The following SLC45A2 variants were observed in gnomAD, a reference collection of about 807,000 sequenced individuals.
SLC45A2 encodes the protein solute carrier family 45 member 2, also known as membrane-associated transporter protein.
SLC45A2 carries 36 observed loss-of-function variants against 45.5 expected under a neutral mutation model. The observed-to-expected ratio is 0.79, with a 90% confidence interval of 0.61 to 1.04. The LOEUF (loss-of-function observed/expected upper bound fraction) is 1.04. Ranked by LOEUF, SLC45A2 falls within the 50% of genes least tolerant of loss-of-function variation. The pLI is 0.00. For missense variants in SLC45A2, 719 were observed against 671.0 expected (o/e 1.07, Z -0.79); for synonymous variants, 306 against 269.3 (o/e 1.14, Z -1.33).
At position 33,969,065 on chromosome 5, in the gene SLC45A2, C is replaced by CTCTCTCTCTCTCTCTGTG; in HGVS notation, c.563-5050_563-5049insCACAGAGAGAGAGAGAGA. On this transcript the variant is annotated intron_variant, in intron 2 of 6. Coordinates refer to ENST00000296589, the MANE Select transcript of SLC45A2 (RefSeq NM_016180.5). Reference sequence around the variant, plus strand: ...AGCTACTCTCTCTCTCTCTCTCTCTCTGTGTGTGTGTGTGTGTGTGTGTGT... The same window carrying CTCTCTCTCTCTCTCTGTG: ...AGCTACTCTCTCTCTCTCTCTCTCTCTCTCTCTCTCTCTCTGTGTGTGTGTGTGTGTGTGTGTGTGTGT... 4.6e-3 allele frequency among the ~76,000 whole-genome samples: 472 copies of CTCTCTCTCTCTCTCTGTG among 102,440 alleles called. 8 individuals carry two copies. The highest frequency in any genetic ancestry group is 0.01 in the African/African-American group (283 of 27,010). 67.2% of individuals were successfully genotyped at this position (102,440 alleles called of 152,430 possible). A position where few individuals can be genotyped will look rare whatever the true frequency, so the allele number is the denominator to read the frequency against.
At chr5:33,969,391 T>A (rs541919915) in intron 2 of SLC45A2, among the ~76,000 whole-genome samples, 1 of 152,280 alleles carries the variant, frequency 6.6e-6, no homozygotes, top group African/African-American at 2.4e-5. Context: ...GCAACTTTTC[T>A]CTTCAAAGAT....
At chr5:33,950,367 C>A (rs1029447495) in intron 5 of SLC45A2, among the ~76,000 whole-genome samples, 3 of 152,136 alleles carry the variant, frequency 2.0e-5, no homozygotes, top group Non-Finnish European at 2.9e-5. Flanking sequence ...TTTGCACACT[C>A]GAAGAGGAAG....
rs181922817 is a variant in SLC45A2, at chr5:33,950,013, C to A, written c.1156+1541G>T. Reference sequence around the variant, plus strand: ...GACCAGCCTGGGCAATGTAGGGAGACCCCATCTCTAAAAAAAAAATTTTTT... The same window carrying A: ...GACCAGCCTGGGCAATGTAGGGAGAACCCATCTCTAAAAAAAAAATTTTTT... On this transcript the variant is annotated intron_variant, in intron 5 of 6. Transcript: ENST00000296589. Among the ~76,000 whole-genome samples, 377 of 151,758 alleles carry A rather than the reference C, an allele frequency of 2.5e-3. 2 individuals carry two copies. The highest frequency in any genetic ancestry group is 8.8e-3 in the African/African-American group (365 of 41,370).
At position 33,944,641 on chromosome 5, in the gene SLC45A2, T is replaced by C. The variant is rs1751868004; in HGVS notation, c.*7A>G. 5 of 1,613,486 alleles carry C rather than the reference T, an allele frequency of 3.1e-6. No homozygotes were observed. The highest frequency in any genetic ancestry group is 4.2e-6 in the Non-Finnish European group (5 of 1,179,584). On this transcript the variant is annotated 3_prime_UTR_variant, in exon 7 of 7. Coordinates refer to ENST00000296589, the MANE Select transcript of SLC45A2 (RefSeq NM_016180.5). ...TCTGAGGTTAGGGTCATTGTCTCTT[T>C]ATTGACCTAATCCACATATCTAACA...
At chr5:33,946,773 G>A in intron 6 of SLC45A2, 1 of 1,136,832 alleles carries the variant, frequency 8.8e-7, no homozygotes, top group Non-Finnish European at 1.1e-6. Context: ...CTTATTGTCG[G>A]TATCTAGAAA....
intron 6 of SLC45A2, chr5:33,946,418 AG>A (rs1489612637): frequency 1.0e-6 from 1 of 985,430 alleles, no homozygotes; most frequent in East Asian, 1.1e-4. Flanking sequence ...TTATCTCTGT[AG>A]CTTTTATATC....
chr5:33,946,443 A>G, intron 6 of SLC45A2: 1 of 985,716 alleles, frequency 1.0e-6, no homozygotes, highest in Non-Finnish European at 1.2e-6. Flanking sequence ...GCTCCAGTTA[A>G]GGAACTATAA....
intron 4 of SLC45A2, among the ~76,000 whole-genome samples, chr5:33,952,690 T>TA (rs1491433702): frequency 7.4e-5 from 2 of 26,952 alleles, no homozygotes; most frequent in African/African-American, 1.7e-4. Context: ...TTTTTTTTTT[T>TA]AATTTTTTTT....
chr5:33,963,374 G>A (rs1752504219), intron 3 of SLC45A2, among the ~76,000 whole-genome samples: 1 of 152,198 alleles, frequency 6.6e-6, no homozygotes, highest in Non-Finnish European at 1.5e-5. Flanking sequence ...CCTAATCTAA[G>A]GGGATATTTC....
Position 33,944,652 on chromosome 5 carries a change from T to C in SLC45A2, c.1589A>G (p.Asp530Gly). ...CFVALFVRYVD is the reference protein window; with the variant it reads ...CFVALFVRYVG ...GGTCATTGTCTCTTTATTGACCTAA[T>C]CCACATATCTAACAAAGAGAGCGAC... Residue 530 changes from aspartate (D) to glycine (G), a missense_variant, in exon 7 of 7, where the codon GAT (aspartate) becomes GGT (glycine). Asp to Gly is a moderately conservative substitution (Grantham distance 94, BLOSUM62 -1). Transcript: ENST00000296589. 6.2e-7 allele frequency: 1 copy of C among 1,614,066 alleles called. No homozygotes were observed. Among genetic ancestry groups the C allele is most frequent in the East Asian group, 2.2e-5 (1 of 44,876 alleles).
chr5:33,982,191 A>G (rs758073962), intron 2 of SLC45A2, 45 bp downstream of exon 2: 2 of 1,609,564 alleles, frequency 1.2e-6, no homozygotes, highest in African/African-American at 1.3e-5. Context: ...GAAGTGCCTC[A>G]TTGTCTGGGG....
intron 2 of SLC45A2, among the ~76,000 whole-genome samples, chr5:33,977,559 T>G (rs1752965538): frequency 6.6e-6 from 1 of 152,118 alleles, no homozygotes; most frequent in South Asian, 2.1e-4. Context: ...GCAGCTTTGA[T>G]CTCCACAGGC....
At chr5:33,965,688 G>T (rs549089551) in intron 2 of SLC45A2, among the ~76,000 whole-genome samples, 11 of 152,218 alleles carry the variant, frequency 7.2e-5, no homozygotes, top group Non-Finnish European at 1.6e-4. Flanking sequence ...TGATTCAGAA[G>T]AATGTTCTGG....
chr5:33,945,977 C>G (rs1440502157), intron 6 of SLC45A2: 1 of 985,452 alleles, frequency 1.0e-6, no homozygotes, highest in African/African-American at 1.7e-5. Context: ...AGGGAGCACA[C>G]AGTGTGCACT....
intron 5 of SLC45A2, among the ~76,000 whole-genome samples, chr5:33,949,521 T>C (rs1027997775): frequency 6.6e-6 from 1 of 152,080 alleles, no homozygotes; most frequent in Non-Finnish European, 1.5e-5. Flanking sequence ...TTAATTGATA[T>C]GGGAGTGAAA....
At position 33,969,300 on chromosome 5, in the gene SLC45A2, A is replaced by T. The variant is rs368472243; in HGVS notation, c.563-5284T>A. On this transcript the variant is annotated intron_variant, in intron 2 of 6. Coordinates refer to ENST00000296589, the MANE Select transcript of SLC45A2 (RefSeq NM_016180.5). ...GAAAAAAAAAATTTTAAATTAAAAT[A>T]AAAAAAAAATGATACATATGCTCTG... Among the ~76,000 whole-genome samples the T allele has an allele frequency of 2.8e-3, 414 of 145,420 alleles. 6 individuals are homozygous for T. The highest frequency in any genetic ancestry group is 4.5e-3 in the Admixed American group (65 of 14,542).
intron 3 of SLC45A2, 128 bp from the exon 4 acceptor site, chr5:33,954,632 A>T: frequency 7.5e-7 from 1 of 1,330,106 alleles, no homozygotes. Flanking sequence ...CTTTTCCTGG[A>T]CATGGAACTA....
rs768662147 is a variant in SLC45A2, at chr5:33,963,750, C to T, written c.829G>A (p.Gly277Ser). The T allele has an allele frequency of 2.5e-6, 4 of 1,614,132 alleles. No individual in the cohort carries two copies. Among genetic ancestry groups the T allele is most frequent in the Non-Finnish European group, 3.4e-6 (4 of 1,180,010 alleles). ...ATTGCCAGCTCTGGATTTACGTAAC[C>T]ATTTTTAACTTTCTCGATAGAACCA... ...EYGSIEKVKNGYVNPELAMQG... is the reference protein window; with the variant it reads ...EYGSIEKVKNSYVNPELAMQG... The change falls in exon 3 of 7, where the codon GGT becomes AGT. Residue 277 changes from glycine (G) to serine (S), a missense_variant. Gly to Ser is a moderately conservative substitution (Grantham distance 56). Coordinates refer to ENST00000296589, the MANE Select transcript of SLC45A2 (RefSeq NM_016180.5).
intron 3 of SLC45A2, among the ~76,000 whole-genome samples, chr5:33,961,586 A>C (rs1269028481): frequency 1.3e-5 from 2 of 152,196 alleles, no homozygotes; most frequent in South Asian, 2.1e-4. Flanking sequence ...TCTCTTCCAT[A>C]ACGCTTTTCT....
Sources: gnomAD v4.1 joint callset for allele counts (sites outside exome capture counted in the v4.1 genomes callset) on GRCh38, gnomAD v4.1.1 for gene constraint, MANE v1.5 for transcripts, NCBI Gene and HGNC (gene_info 2026-07-23, HGNC 2026-07-21) for gene names.